SAE1: variants seen among roughly 807,000 people sequenced by gnomAD.
SAE1 encodes the protein SUMO1 activating enzyme subunit 1, also known as SUMO-activating enzyme subunit 1.
SAE1 carries 11 observed loss-of-function variants against 40.6 expected under a neutral mutation model. The observed-to-expected ratio is 0.27, with a 90% confidence interval of 0.17 to 0.45. The LOEUF (loss-of-function observed/expected upper bound fraction) is 0.45. Ranked by LOEUF, SAE1 falls within the 20% of genes least tolerant of loss-of-function variation. SAE1 has a pLI of 1.00. For synonymous variants in SAE1, 155 were observed against 154.3 expected, an observed-to-expected ratio of 1.00 and a Z score of -0.03; for missense variants, 373 against 427.3, an observed-to-expected ratio of 0.87 and a Z score of 1.12.
At chr19:47,203,342 G>A (rs1429837971) in intron 7 of SAE1, among the ~76,000 whole-genome samples, 1 of 152,200 alleles carries the variant, frequency 6.6e-6, no homozygotes, top group African/African-American at 2.4e-5. Context: ...TTGCGAGAAT[G>A]TGACCAGGGC....
At chr19:47,143,374 G>A in intron 1 of SAE1, 120 bp from the exon 2 acceptor site, 1 of 708,752 alleles carries the variant, frequency 1.4e-6, no homozygotes. Context: ...TAAAGTGCTG[G>A]GATTACAGGC....
chr19:47,209,396 G>A lies in SAE1; in HGVS notation c.*145G>A, dbSNP rs2058702230. On this transcript the variant is annotated 3_prime_UTR_variant, in exon 9 of 9. Transcript: ENST00000270225. ...AACATTTCCTGCAACGAAGGAGGTG[G>A]TGCCGACGTGCTGCTTCCCATCACC... 3 of 1,384,748 alleles carry A rather than the reference G, an allele frequency of 2.2e-6. No individual in the cohort carries two copies. Among genetic ancestry groups the A allele is most frequent in the Non-Finnish European group, 3.0e-6 (3 of 1,010,736 alleles). The allele number at this position is 1,384,748 out of a possible 1,614,324, so 85.8% of individuals were successfully genotyped here. A position where few individuals can be genotyped will look rare whatever the true frequency, so the allele number is the denominator to read the frequency against.
At position 47,166,859 on chromosome 19, in the gene SAE1, GC is replaced by G. The variant is rs2058396331; in HGVS notation, c.628-2958del. Among the ~76,000 whole-genome samples the G allele has an allele frequency of 2.6e-5, 4 of 152,254 alleles. No homozygotes were observed. The East Asian group carries it at 7.7e-4, about 29-fold the overall frequency. ...GACCCATTGACCAAAAGATTTGAGG[GC>G]AGTGAAAACATCTTGTATACTATCT... On this transcript the variant is annotated intron_variant, in intron 5 of 8. Transcript: ENST00000270225.
chr19:47,150,404 G>A lies in SAE1; in HGVS notation c.384+29G>A, dbSNP rs777577574. The stretch of plus-strand genomic sequence containing the variant: ...AGTTTCTTATTATAAAATCTGCTGT[G>A]GGAATTAAACAAATTAAGGTGCTAG... On this transcript the variant is annotated intron_variant, in intron 3 of 8. Coordinates refer to ENST00000270225, the MANE Select transcript of SAE1 (RefSeq NM_005500.3). The A allele has an allele frequency of 1.9e-6, 3 of 1,562,910 alleles. No homozygotes were observed. The East Asian group carries it at 6.8e-5, about 36-fold the overall frequency.
At chr19:47,197,416 T>C in intron 7 of SAE1, 39 bp downstream of exon 7, 4 of 1,559,268 alleles carry the variant, frequency 2.6e-6, no homozygotes, top group Non-Finnish European at 2.6e-6. Flanking sequence ...TCTGGACAGA[T>C]AAAGTTTGTT....
At chr19:47,170,247 C>T (rs548027832) in intron 6 of SAE1, among the ~76,000 whole-genome samples, 1 of 151,978 alleles carries the variant, frequency 6.6e-6, no homozygotes, top group Admixed American at 6.6e-5. Context: ...GAGTCTTGCT[C>T]TGTCACCCAG....
Position 47,197,338 on chromosome 19 carries a change from T to G in SAE1, c.839T>G (p.Leu280Arg), listed in dbSNP as rs2058622689. ...ATACGAAATGATGTGCTTGACTCACTGGGTATTAGTCCTGACCTGCTTCCT... is the reference window on the plus strand; with the variant it reads ...ATACGAAATGATGTGCTTGACTCACGGGGTATTAGTCCTGACCTGCTTCCT... Reference protein sequence around the residue: ...LQIRNDVLDSLGISPDLLPED... With the variant: ...LQIRNDVLDSRGISPDLLPED... Residue 280 changes from leucine (L) to arginine (R), a missense_variant, in exon 7 of 9, where the codon CTG becomes CGG. Leu to Arg is a moderately radical substitution (Grantham distance 102). Around this residue, in one of 3 missense-constraint regions of SAE1, gnomAD observed 351 missense variants for 390.6 expected, o/e 0.90. Coordinates refer to ENST00000270225, the MANE Select transcript of SAE1 (RefSeq NM_005500.3). 4 of 1,614,036 alleles carry G rather than the reference T, an allele frequency of 2.5e-6. No homozygotes were observed. Among genetic ancestry groups the G allele is most frequent in the Non-Finnish European group, 3.4e-6 (4 of 1,179,990 alleles).
At chr19:47,164,322 C>T (rs1230908920) in intron 5 of SAE1, among the ~76,000 whole-genome samples, 2 of 152,074 alleles carry the variant, frequency 1.3e-5, no homozygotes, top group Non-Finnish European at 2.9e-5. Context: ...ACACCCGCCA[C>T]CACACCCGGC....
chr19:47,174,763 C>T (rs957435639), intron 6 of SAE1, among the ~76,000 whole-genome samples: 5 of 151,766 alleles, frequency 3.3e-5, no homozygotes, highest in Admixed American at 6.6e-5. Context: ...TTAGTAGAGA[C>T]GGGGTTTCAC....
At chr19:47,184,386 C>T (rs1343478347) in intron 6 of SAE1, among the ~76,000 whole-genome samples, 2 of 152,036 alleles carry the variant, frequency 1.3e-5, no homozygotes, top group African/African-American at 4.8e-5. Context: ...TTGTACCTAC[C>T]TCATTCTGTC....
intron 5 of SAE1, among the ~76,000 whole-genome samples, chr19:47,162,418 T>C (rs1049277447): frequency 6.6e-6 from 1 of 152,212 alleles, no homozygotes; most frequent in African/African-American, 2.4e-5. Context: ...GTTAAGTTAC[T>C]CTCAAGTGGT....
chr19:47,183,788 G>T (rs1310765544), intron 6 of SAE1, among the ~76,000 whole-genome samples: 2 of 152,186 alleles, frequency 1.3e-5, no homozygotes, highest in Non-Finnish European at 2.9e-5. Context: ...TCGGCAAGAG[G>T]GGTTGGCAGA....
chr19:47,148,072 T>C (rs1432530752), intron 2 of SAE1, among the ~76,000 whole-genome samples: 1 of 152,078 alleles, frequency 6.6e-6, no homozygotes, highest in Non-Finnish European at 1.5e-5. Flanking sequence ...CAACTGTACG[T>C]TTTTATCCAT....
chr19:47,166,584 A>G (rs1234986529), intron 5 of SAE1, among the ~76,000 whole-genome samples: 1 of 152,174 alleles, frequency 6.6e-6, no homozygotes, highest in Non-Finnish European at 1.5e-5. Context: ...TTCATCATAT[A>G]GTAGCCTAAC....
intron 5 of SAE1, among the ~76,000 whole-genome samples, chr19:47,161,012 T>C (rs2058356633): frequency 1.3e-5 from 2 of 152,136 alleles, no homozygotes; most frequent in African/African-American, 4.8e-5. Flanking sequence ...TATATGTTAT[T>C]TATTTTTGAG....
chr19:47,167,303 G>T (rs2058399850), intron 5 of SAE1, among the ~76,000 whole-genome samples: 1 of 144,308 alleles, frequency 6.9e-6, no homozygotes. Context: ...GTCTCGCTCT[G>T]TCCCCCAGGC....
At chr19:47,136,737 G>A (rs1170579197) in intron 1 of SAE1, among the ~76,000 whole-genome samples, 4 of 152,042 alleles carry the variant, frequency 2.6e-5, no homozygotes, top group Non-Finnish European at 5.9e-5. Flanking sequence ...TGATCCGCCC[G>A]CCTTGGCCTC....
At chr19:47,172,646 T>C (rs899708134) in intron 6 of SAE1, among the ~76,000 whole-genome samples, 3 of 150,864 alleles carry the variant, frequency 2.0e-5, no homozygotes, top group Admixed American at 6.6e-5. Flanking sequence ...AGTTGCAGAA[T>C]CCGAGATCAT....
intron 1 of SAE1, among the ~76,000 whole-genome samples, chr19:47,140,975 A>G (rs1427052143): frequency 6.6e-6 from 1 of 151,776 alleles, no homozygotes; most frequent in Non-Finnish European, 1.5e-5. Context: ...CAGCCTCCCA[A>G]ATAGCTAGGA....
Sources: gnomAD v4.1 joint callset for allele counts (sites outside exome capture counted in the v4.1 genomes callset) on GRCh38, gnomAD v4.1.1 for gene constraint, gnomAD v4.1.1 regional missense constraint, MANE v1.5 for transcripts, NCBI Gene and HGNC (gene_info 2026-07-23, HGNC 2026-07-21) for gene names.